Variants in MAL2 observed in about 807,000 individuals in gnomAD.
The protein encoded by MAL2 is mal, T cell differentiation protein 2.
In MAL2, 17 loss-of-function variants were observed where a neutral mutation model predicts 18.1. The observed-to-expected ratio is 0.94, with a 90% CI of 0.64 to 1.41. MAL2 has a LOEUF of 1.41. Ranked by LOEUF, MAL2 falls within the 40% of genes most tolerant of loss-of-function variation. The pLI is 0.00. For synonymous variants in MAL2, 102 were observed against 102.3 expected (o/e 1.00, Z 0.02); for missense variants, 222 against 231.9 (o/e 0.96, Z 0.28).
intron 1 of MAL2, among the ~76,000 whole-genome samples, chr8:119,216,199 A>C (rs1027507843): frequency 6.6e-6 from 1 of 152,144 alleles, no homozygotes; most frequent in Non-Finnish European, 1.5e-5. Flanking sequence ...TCCTCAGAAA[A>C]ATGCATATGT....
rs900392111 is a variant in MAL2 at position 119,244,338 on chromosome 8, T to C, written c.*850T>C. ...AATTTCTCAGGCAGAGTCCTGGATA[T>C]AGGAAAAAGTAATTTATGAAGTAAA... On this transcript the variant is annotated 3_prime_UTR_variant, in exon 4 of 4. Coordinates refer to ENST00000614891, the MANE Select transcript of MAL2 (RefSeq NM_052886.3). 3.3e-5 allele frequency: 5 copies of C among 152,108 alleles called. No homozygotes were observed. In the East Asian group the frequency reaches 5.8e-4, roughly 18 times the overall value. The allele number at this position is 152,108 out of a possible 1,614,324, so 9.4% of individuals were successfully genotyped here. A position where few individuals can be genotyped will look rare whatever the true frequency, so the allele number is the denominator to read the frequency against.
At chr8:119,210,784 A>T (rs1401060471) in intron 1 of MAL2, among the ~76,000 whole-genome samples, 2 of 152,170 alleles carry the variant, frequency 1.3e-5, no homozygotes, top group African/African-American at 4.8e-5. Context: ...GAACAGCATC[A>T]CTTCCAAAAG....
intron 1 of MAL2, among the ~76,000 whole-genome samples, chr8:119,220,671 C>T (rs1448962476): frequency 1.3e-5 from 2 of 152,098 alleles, no homozygotes; most frequent in Non-Finnish European, 2.9e-5. Context: ...TTGTTCTTCA[C>T]CTATGCGGGG....
intron 2 of MAL2, among the ~76,000 whole-genome samples, chr8:119,236,930 AAT>A (rs1817914042): frequency 6.7e-6 from 1 of 150,194 alleles, no homozygotes; most frequent in Non-Finnish European, 1.5e-5. Flanking sequence ...GAAGGCAAGA[AAT>A]AACTAAAATC....
At chr8:119,215,728 G>A (rs1817341038) in intron 1 of MAL2, 1 of 152,154 alleles carries the variant, frequency 6.6e-6, no homozygotes, top group Admixed American at 6.5e-5. Context: ...TCTATGCTCA[G>A]GGGATGAGGG....
Position 119,240,239 on chromosome 8 carries a change from G to C in MAL2, c.378G>C (p.Leu126=). ...AFLLEAAATS[L]HDLHCNTTIT... is the part of the protein sequence containing the mutation. Reference sequence around the variant, plus strand: ...TATTGGAAGCAGCAGCCACATCCCTGCATGATTTGCATTGCAATACAACCA... The same window carrying C: ...TATTGGAAGCAGCAGCCACATCCCTCCATGATTTGCATTGCAATACAACCA... Residue 126 remains leucine (L), a synonymous_variant, in exon 3 of 4, where the codon CTG becomes CTC. Transcript: ENST00000614891. 1 of 1,613,600 alleles carries C rather than the reference G, an allele frequency of 6.2e-7. No homozygotes were observed. Among genetic ancestry groups the C allele is most frequent in the Non-Finnish European group, 8.5e-7 (1 of 1,179,786 alleles).
chr8:119,242,382 A>T (rs1291016646), intron 3 of MAL2, among the ~76,000 whole-genome samples: 1 of 152,138 alleles, frequency 6.6e-6, no homozygotes, highest in African/African-American at 2.4e-5. Context: ...CAAGTTCAAC[A>T]TTACATCCCA....
At chr8:119,236,138 G>A (rs1817884594) in intron 2 of MAL2, among the ~76,000 whole-genome samples, 2 of 72,222 alleles carry the variant, frequency 2.8e-5, no homozygotes, top group Admixed American at 3.3e-4. Context: ...GGCAGGGGTT[G>A]CAATCCTAGT....
chr8:119,219,898 C>G (rs1475680388), intron 1 of MAL2, among the ~76,000 whole-genome samples: 3 of 151,946 alleles, frequency 2.0e-5, no homozygotes, highest in African/African-American at 7.3e-5. Context: ...ATGATGTGCT[C>G]AAGATTAGAT....
At chr8:119,215,589 G>A (rs1829376050) in intron 1 of MAL2, 1 of 152,192 alleles carries the variant, frequency 6.6e-6, no homozygotes, top group East Asian at 1.9e-4. Context: ...CAGTAACCGT[G>A]GAAGCACCGA....
chr8:119,224,637 GC>G (rs1341232045), intron 2 of MAL2, among the ~76,000 whole-genome samples: 1 of 151,806 alleles, frequency 6.6e-6, no homozygotes, highest in Non-Finnish European at 1.5e-5. Flanking sequence ...TAGTGTAACA[GC>G]CCCCCGAGTA....
chr8:119,222,096 A>G (rs934833698), intron 2 of MAL2, among the ~76,000 whole-genome samples: 4 of 152,224 alleles, frequency 2.6e-5, no homozygotes, highest in African/African-American at 9.6e-5. Context: ...ACATTGTCGC[A>G]TCTTGAAATT....
rs1231010803 is a variant in MAL2, at chr8:119,243,107, A to AG, written c.460-307dup. ...TGCTGAATTTTTAAATACAGTGCTTAGGGATTCACAAATACTTAAGTGAGC... is the reference window on the plus strand; with the variant it reads ...TGCTGAATTTTTAAATACAGTGCTTAGGGGATTCACAAATACTTAAGTGAGC... On this transcript the variant is annotated intron_variant, in intron 3 of 3. Coordinates refer to ENST00000614891, the MANE Select transcript of MAL2 (RefSeq NM_052886.3). Among the ~76,000 whole-genome samples, 2 of 152,344 alleles carry AG rather than the reference A, an allele frequency of 1.3e-5. 1 individual carries two copies. Among genetic ancestry groups the AG allele is most frequent in the East Asian group, 3.9e-4 (2 of 5,180 alleles).
At chr8:119,215,811 G>T (rs997286480) in intron 1 of MAL2, among the ~76,000 whole-genome samples, 3 of 152,078 alleles carry the variant, frequency 2.0e-5, no homozygotes, top group East Asian at 1.9e-4. Flanking sequence ...CTTGGGGAGG[G>T]GGGCAGCAGT....
chr8:119,224,606 T>C (rs1448842146), intron 2 of MAL2, among the ~76,000 whole-genome samples: 11 of 152,118 alleles, frequency 7.2e-5, no homozygotes, highest in Non-Finnish European at 1.3e-4. Context: ...ATGAATTGCA[T>C]AGTGGTGAAA....
At chr8:119,223,063 C>T (rs1463255069) in intron 2 of MAL2, among the ~76,000 whole-genome samples, 1 of 152,186 alleles carries the variant, frequency 6.6e-6, no homozygotes, top group Non-Finnish European at 1.5e-5. Flanking sequence ...ATCAGACCTT[C>T]AGTCAGGCTT....
At chr8:119,226,604 G>T (rs1449065636) in intron 2 of MAL2, among the ~76,000 whole-genome samples, 1 of 152,108 alleles carries the variant, frequency 6.6e-6, no homozygotes, top group Non-Finnish European at 1.5e-5. Context: ...TGATAAGATG[G>T]GTGAAACAGC....
intron 1 of MAL2, among the ~76,000 whole-genome samples, chr8:119,213,586 A>G (rs1817298109): frequency 6.6e-6 from 1 of 152,132 alleles, no homozygotes; most frequent in South Asian, 2.1e-4. Context: ...TGGGAGGCTG[A>G]AGCAGGTGGA....
intron 2 of MAL2, among the ~76,000 whole-genome samples, chr8:119,236,537 G>C (rs1156982791): frequency 2.2e-4 from 33 of 149,496 alleles, no homozygotes; most frequent in African/African-American, 3.5e-4. Context: ...TGACCACATA[G>C]TTGGAAGTAA....
Sources: allele counts gnomAD v4.1 joint callset (sites outside exome capture counted in the v4.1 genomes callset), GRCh38; gene constraint gnomAD v4.1.1; transcripts MANE v1.5; gene names NCBI Gene and HGNC (gene_info 2026-07-23, HGNC 2026-07-21).